Variants in SAMM50 observed in about 807,000 individuals in gnomAD.
SAMM50 encodes sorting and assembly machinery component 50 homolog.
SAMM50 carries 47 observed loss-of-function variants against 66.9 expected under a neutral mutation model. The ratio of observed to expected loss-of-function variants is 0.70; its 90% CI spans 0.56 to 0.90. The LOEUF (loss-of-function observed/expected upper bound fraction) is 0.90, where lower values mean the gene tolerates loss of function less well. Among genes scored for constraint, SAMM50 ranks in the 40% least tolerant of loss-of-function variants. The pLI is 0.00. For synonymous variants in SAMM50, 191 were observed against 214.1 expected (o/e 0.89, Z 0.94); for missense variants, 535 against 595.3 (o/e 0.90, Z 1.05).
intron 1 of SAMM50, among the ~76,000 whole-genome samples, chr22:43,962,849 C>A (rs974490564): frequency 3.0e-5 from 4 of 132,986 alleles, no homozygotes; most frequent in Non-Finnish European, 6.2e-5. Context: ...CATGACATGT[C>A]ATCATGGATT....
intron 13 of SAMM50, among the ~76,000 whole-genome samples, chr22:43,989,478 A>T (rs893087913): frequency 6.6e-6 from 1 of 152,048 alleles, no homozygotes; most frequent in African/African-American, 2.4e-5. Flanking sequence ...CTGGGACTAC[A>T]GGCGCGTGCC....
intron 1 of SAMM50, among the ~76,000 whole-genome samples, chr22:43,962,066 C>A (rs2050149751): frequency 6.6e-6 from 1 of 151,996 alleles, no homozygotes; most frequent in Admixed American, 6.6e-5. Context: ...CCAATAAACT[C>A]ATCGTAAGTT....
rs1160357229 is a variant in SAMM50 at position 43,984,415 on chromosome 22, T to C, written c.1075+415T>C. On this transcript the variant is annotated intron_variant, in intron 12 of 14. Transcript: ENST00000350028. ...GCAACCTCCGCCTCCTGGGTTCAAA[T>C]GATTCTCCTGCCTCAGCCTCCCAAG... Among the ~76,000 whole-genome samples the C allele has an allele frequency of 5.1e-4, 70 of 137,778 alleles. No homozygotes were observed. The Middle Eastern group carries it at 0.015, about 30-fold the overall frequency. The allele number at this position is 137,778 out of a possible 152,430, so 90.4% of individuals were successfully genotyped here.
intron 7 of SAMM50, chr22:43,974,735 T>C (rs738495): frequency 0.68 from 104,046 of 152,362 alleles, 36,703 homozygotes; most frequent in African/African-American, 0.87. Context: ...TCCAGCCTGC[T>C]GTCCTCCAGC....
At chr22:43,995,284 C>T (rs2050346933) in intron 14 of SAMM50, 1 of 152,330 alleles carries the variant, frequency 6.6e-6, no homozygotes, top group South Asian at 2.1e-4. Flanking sequence ...TCTTCTTGCT[C>T]AGAGTCAGGT....
Position 43,964,498 on chromosome 22 carries a change from A to G in SAMM50, c.179A>G (p.Asp60Gly), listed in dbSNP as rs2050163063. Residue 60 changes from aspartate to glycine, a missense_variant, in exon 3 of 15, where the codon GAT becomes GGT. Transcript: ENST00000350028. ...VHFDGLGRTK[D>G]DIIICEIGDV... is the part of the protein sequence containing the mutation. ...TTTGATGGACTTGGAAGGACTAAAGATGATATCATCATTTGTGAAATTGGA... is the reference window on the plus strand; with the variant it reads ...TTTGATGGACTTGGAAGGACTAAAGGTGATATCATCATTTGTGAAATTGGA... The G allele has an allele frequency of 1.2e-6, 2 of 1,612,916 alleles. No individual in the cohort carries two copies. The highest frequency in any genetic ancestry group is 1.7e-6 in the Non-Finnish European group (2 of 1,179,026).
chr22:43,966,079 G>A (rs1046532998), intron 3 of SAMM50, among the ~76,000 whole-genome samples: 2 of 152,136 alleles, frequency 1.3e-5, no homozygotes, highest in Non-Finnish European at 1.5e-5. Context: ...GGCACAAGGG[G>A]TCCTCCCAAC....
intron 14 of SAMM50, 84 bp from the exon 15 acceptor site, chr22:43,996,254 T>C: frequency 6.8e-7 from 1 of 1,475,444 alleles, no homozygotes; most frequent in Non-Finnish European, 9.5e-7. Flanking sequence ...GGCGGCACCT[T>C]CTGAGAGGCG....
At chr22:43,972,658 C>T (rs970037130) in intron 5 of SAMM50, among the ~76,000 whole-genome samples, 1 of 152,072 alleles carries the variant, frequency 6.6e-6, no homozygotes, top group African/African-American at 2.4e-5. Context: ...TTAGCTTGTC[C>T]CTTGCATTAA....
At chr22:43,984,417 AT>A (rs1400351684) in intron 12 of SAMM50, among the ~76,000 whole-genome samples, 3 of 151,022 alleles carry the variant, frequency 2.0e-5, no homozygotes, top group African/African-American at 7.3e-5. Flanking sequence ...GGTTCAAATG[AT>A]TCTCCTGCCT....
chr22:43,959,703 C>T (rs1393750835), intron 1 of SAMM50, among the ~76,000 whole-genome samples: 1 of 152,084 alleles, frequency 6.6e-6, no homozygotes, highest in Non-Finnish European at 1.5e-5. Flanking sequence ...TTTTACCAAA[C>T]ACTCACCCCA....
At chr22:43,979,329 A>AC (rs2050250436) in intron 10 of SAMM50, among the ~76,000 whole-genome samples, 1 of 152,122 alleles carries the variant, frequency 6.6e-6, no homozygotes, top group Non-Finnish European at 1.5e-5. Context: ...CCCCTACCTT[A>AC]CAGACACCTC....
At chr22:43,977,281 T>C (rs2050237582) in intron 9 of SAMM50, among the ~76,000 whole-genome samples, 1 of 152,144 alleles carries the variant, frequency 6.6e-6, no homozygotes, top group Non-Finnish European at 1.5e-5. Flanking sequence ...GGTTGCCCTC[T>C]TGTTGGAGGC....
Position 43,962,881 on chromosome 22 carries a change from A to ATTTTTTTTTT in SAMM50, c.22-381_22-372dup, listed in dbSNP as rs58022542. Among the ~76,000 whole-genome samples, 190 of 65,508 alleles carry ATTTTTTTTTT rather than the reference A, an allele frequency of 2.9e-3. 27 individuals carry two copies. The highest frequency in any genetic ancestry group is 3.8e-3 in the Non-Finnish European group (143 of 37,164). 43.0% of individuals were successfully genotyped at this position (65,508 alleles called of 152,430 possible). ...GATTTGTGCGTGACCCTTTTGGTTAATTTTTTTTTTTTTTTTTTTTTTTTT... is the reference window on the plus strand; with the variant it reads ...GATTTGTGCGTGACCCTTTTGGTTAATTTTTTTTTTTTTTTTTTTTTTTTTTTTTTTTTTT... On this transcript the variant is annotated intron_variant, in intron 1 of 14. Transcript: ENST00000350028.
rs2050273969 is a variant in SAMM50 at position 43,983,240 on chromosome 22, A to C, written c.1008-693A>C. On this transcript the variant is annotated intron_variant, in intron 11 of 14. Transcript: ENST00000350028. This position sits in a 1 kb window ranked among gnomAD's most constrained non-coding sequence, Gnocchi z 4.2. ...GTCCTTGGCTGCCTCTTGGCTGGAA[A>C]GATTACACAGAATTTCTCTTGTCAT... is the stretch of plus-strand genomic sequence containing the variant. 6.6e-6 allele frequency among the ~76,000 whole-genome samples: 1 copy of C among 152,218 alleles called. No homozygotes were observed. Among genetic ancestry groups the C allele is most frequent in the Non-Finnish European group, 1.5e-5 (1 of 68,038 alleles).
At position 43,996,529 on chromosome 22, in the gene SAMM50, C is replaced by A. The variant is rs904473552; in HGVS notation, c.*146C>A. ...CGTCAATAAATGTTAAAGACACACT[C>A]CGAGGCAGCGTGGATGTGGTTTGCT... is the stretch of plus-strand genomic sequence containing the variant. On this transcript the variant is annotated 3_prime_UTR_variant, in exon 15 of 15. Transcript: ENST00000350028. The A allele has an allele frequency of 6.9e-5, 56 of 816,690 alleles. 1 individual carries two copies. Among genetic ancestry groups the A allele is most frequent in the Middle Eastern group, 2.9e-4 (1 of 3,508 alleles). 50.6% of individuals were successfully genotyped at this position (816,690 alleles called of 1,614,324 possible).
chr22:43,963,451 A>G (rs2050157771), intron 2 of SAMM50, 55 bp downstream of exon 2: 3 of 1,078,882 alleles, frequency 2.8e-6, no homozygotes, highest in Non-Finnish European at 2.8e-6. Context: ...ATTCACTTCC[A>G]TACACCACTA....
intron 1 of SAMM50, among the ~76,000 whole-genome samples, chr22:43,956,299 A>G (rs1315265769): frequency 1.3e-5 from 2 of 152,220 alleles, no homozygotes; most frequent in African/African-American, 4.8e-5. Context: ...CTAAAACCTC[A>G]GATTTCCTGA....
rs370938966 is a variant in SAMM50 at position 43,962,396 on chromosome 22, A to G, written c.22-890A>G. ...GACTGTCTGTCTTAACTATATGTAG[A>G]TATATATAGAGAGATAGATAAATAG... On this transcript the variant is annotated intron_variant, in intron 1 of 14. Coordinates refer to ENST00000350028, the MANE Select transcript of SAMM50 (RefSeq NM_015380.5). Among the ~76,000 whole-genome samples, 4 of 152,342 alleles carry G rather than the reference A, an allele frequency of 2.6e-5. No individual in the cohort carries two copies. The East Asian group carries it at 7.7e-4, about 29-fold the overall frequency.
Sources: allele counts gnomAD v4.1 joint callset (sites outside exome capture counted in the v4.1 genomes callset), GRCh38; gene constraint gnomAD v4.1.1; non-coding constraint Gnocchi (gnomAD v3.1); transcripts MANE v1.5; gene names NCBI Gene and HGNC (gene_info 2026-07-23, HGNC 2026-07-21).